TNNI3K: variants seen among roughly 807,000 people sequenced by gnomAD.
The protein encoded by TNNI3K is serine/threonine-protein kinase TNNI3K.
A neutral mutation model predicts 114.5 loss-of-function variants in TNNI3K; 140 were observed. The observed-to-expected ratio is 1.22, with a 90% CI of 1.07 to 1.41. The LOEUF (loss-of-function observed/expected upper bound fraction) is 1.41, where lower values mean the gene tolerates loss of function less well. Among genes scored for constraint, TNNI3K ranks in the 40% most tolerant of loss-of-function variants. The probability of loss-of-function intolerance (pLI) is 0.00; values close to 1 mark genes in which losing one functional copy is unlikely to be tolerated. For missense variants in TNNI3K, 1,125 were observed against 1,007.6 expected (o/e 1.12, Z -1.58); for synonymous variants, 347 against 347.5 (o/e 1.00, Z 0.02).
chr1:74,389,112 G>T (rs1186036677), intron 17 of TNNI3K, among the ~76,000 whole-genome samples: 1 of 152,254 alleles, frequency 6.6e-6, no homozygotes, highest in Non-Finnish European at 1.5e-5. Flanking sequence ...GTTATGGAGA[G>T]TGGCTTAGTA....
At chr1:74,493,453 A>G (rs1669175955) in intron 23 of TNNI3K, among the ~76,000 whole-genome samples, 1 of 152,236 alleles carries the variant, frequency 6.6e-6, no homozygotes, top group African/African-American at 2.4e-5. Context: ...ACATTCTTTC[A>G]TAGCTAGCTC....
At chr1:74,406,310 G>GT (rs1191550959) in intron 17 of TNNI3K, among the ~76,000 whole-genome samples, 1 of 152,122 alleles carries the variant, frequency 6.6e-6, no homozygotes, top group Non-Finnish European at 1.5e-5. Context: ...AACATTACGA[G>GT]TTTTTTGTTA....
chr1:74,277,724 A>C (rs1656769418), intron 5 of TNNI3K, among the ~76,000 whole-genome samples: 1 of 152,224 alleles, frequency 6.6e-6, no homozygotes. Context: ...AGCAGTGAAC[A>C]GAAAGGCATG....
intron 24 of TNNI3K, among the ~76,000 whole-genome samples, chr1:74,540,620 A>C (rs1165187102): frequency 6.6e-6 from 1 of 151,802 alleles, no homozygotes; most frequent in African/African-American, 2.4e-5. Context: ...AAAAAAAAAA[A>C]ACTCCTTCCT....
Position 74,544,080 on chromosome 1 carries a change from CA to C in TNNI3K, c.*101del. 7.6e-7 allele frequency: 1 copy of C among 1,318,118 alleles called. No individual in the cohort carries two copies. The highest frequency in any genetic ancestry group is 1.0e-6 in the Non-Finnish European group (1 of 964,512). The allele number at this position is 1,318,118 out of a possible 1,614,324, so 81.7% of individuals were successfully genotyped here. On this transcript the variant is annotated 3_prime_UTR_variant, in exon 25 of 25. Coordinates refer to ENST00000326637, the MANE Select transcript of TNNI3K (RefSeq NM_015978.3). ...GCTTCCAACTATAACATTTTACTCT[CA>C]AAGGTCTCCTTAAATTGGGCTTGTT...
intron 17 of TNNI3K, among the ~76,000 whole-genome samples, chr1:74,404,329 T>G (rs1570579604): frequency 6.6e-6 from 1 of 152,140 alleles, no homozygotes; most frequent in East Asian, 1.9e-4. Context: ...GCTCTATCCC[T>G]TCTATCTCTT....
At position 74,249,497 on chromosome 1, in the gene TNNI3K, G is replaced by A. The variant is rs567503494; in HGVS notation, c.188G>A (p.Arg63His). The A allele has an allele frequency of 9.9e-6, 16 of 1,613,260 alleles. No homozygotes were observed. The highest frequency in any genetic ancestry group is 1.7e-4 in the Middle Eastern group (1 of 6,056). Reference protein sequence around the residue: ...EAFSKVNLNYRTENGLSLLHL... With the variant: ...EAFSKVNLNYHTENGLSLLHL... ...TTCAGTAAAGTCAATTTAAATTACC[G>A]CACTGAAAATGGGCTGTCTCTACTT... Residue 63 changes from arginine (R) to histidine (H), a missense_variant, in exon 3 of 25, where the codon CGC becomes CAC. By Grantham distance (29) the Arg-to-His change is conservative. Coordinates refer to ENST00000326637, the MANE Select transcript of TNNI3K (RefSeq NM_015978.3).
chr1:74,369,933 C>G (rs1662505498), intron 16 of TNNI3K: 1 of 242,062 alleles, frequency 4.1e-6, no homozygotes, highest in African/African-American at 2.2e-5. Flanking sequence ...TTGAACAAAT[C>G]CAATGTGAAT....
intron 23 of TNNI3K, among the ~76,000 whole-genome samples, chr1:74,507,313 C>A (rs1021825183): frequency 1.4e-5 from 2 of 147,368 alleles, no homozygotes; most frequent in Non-Finnish European, 3.0e-5. Flanking sequence ...AGGAAGTTGT[C>A]CTAAATACCC....
chr1:74,539,741 A>G (rs2100462642), intron 23 of TNNI3K, among the ~76,000 whole-genome samples: 1 of 151,912 alleles, frequency 6.6e-6, no homozygotes, highest in South Asian at 2.1e-4. Context: ...AGGAAATGAT[A>G]TTATATTATA....
At chr1:74,451,702 T>TTC (rs1667021865) in intron 20 of TNNI3K, among the ~76,000 whole-genome samples, 3 of 66,544 alleles carry the variant, frequency 4.5e-5, no homozygotes, top group African/African-American at 2.1e-4. Flanking sequence ...TTTCTTTCTT[T>TTC]CTTTCTTTCT....
intron 23 of TNNI3K, among the ~76,000 whole-genome samples, chr1:74,513,559 G>A (rs1443460777): frequency 6.6e-6 from 1 of 151,972 alleles, no homozygotes; most frequent in Non-Finnish European, 1.5e-5. Context: ...TTTTCTCTAT[G>A]CCAAACCTAA....
intron 6 of TNNI3K, among the ~76,000 whole-genome samples, chr1:74,333,543 T>C (rs181973933): frequency 1.3e-5 from 2 of 152,342 alleles, no homozygotes; most frequent in Admixed American, 1.3e-4. Flanking sequence ...CCTGAAAATA[T>C]AGTCACAGTC....
intron 5 of TNNI3K, among the ~76,000 whole-genome samples, chr1:74,296,650 A>AG (rs1432591497): frequency 6.6e-6 from 1 of 152,086 alleles, no homozygotes; most frequent in Non-Finnish European, 1.5e-5. Context: ...TTGTTAGAAA[A>AG]AAAAATGACT....
chr1:74,397,276 G>A (rs765393614), intron 17 of TNNI3K, among the ~76,000 whole-genome samples: 1 of 152,048 alleles, frequency 6.6e-6, no homozygotes, highest in Admixed American at 6.6e-5. Flanking sequence ...TACACAGAAG[G>A]TGAGACTGGA....
In TNNI3K at chr1:74,369,406, C is replaced by T. The variant is rs201647544; in HGVS notation, c.1488C>T (p.Thr496=). 7 of 1,610,858 alleles carry T rather than the reference C, an allele frequency of 4.3e-6. No homozygotes were observed. The highest frequency in any genetic ancestry group is 5.9e-6 in the Non-Finnish European group (7 of 1,178,438). ...IVAIKRYRAN[T]YCSKSDVDMF... Reference sequence around the variant, plus strand: ...CCATTTCCAGTTATCGAGCCAATACCTACTGCTCCAAGTCAGATGTGGATA... The same window carrying T: ...CCATTTCCAGTTATCGAGCCAATACTTACTGCTCCAAGTCAGATGTGGATA... The change falls in exon 16 of 25, where the codon ACC becomes ACT. Residue 496 remains threonine (T), a synonymous_variant. Transcript: ENST00000326637.
Position 74,543,909 on chromosome 1 carries a change from A to G in TNNI3K, c.2435A>G (p.Tyr812Cys), listed in dbSNP as rs1445227866. Reference protein sequence around the residue: ...LQYTPIDKYGYVSDPMSSMHF... With the variant: ...LQYTPIDKYGCVSDPMSSMHF... ...CTGAACTTCTTTTCTGATGCAGGCT[A>G]TGTATCCGATCCCATGAGCTCAATG... is the stretch of plus-strand genomic sequence containing the variant. The change falls in exon 25 of 25, where the codon TAT becomes TGT. Residue 812 changes from tyrosine to cysteine, a missense_variant. By Grantham distance (194) the Tyr-to-Cys change is radical. Transcript: ENST00000326637. The G allele has an allele frequency of 3.1e-6, 5 of 1,613,594 alleles. No individual in the cohort carries two copies. The East Asian group carries it at 8.9e-5, about 29-fold the overall frequency.
Position 74,353,999 on chromosome 1 carries a change from C to A in TNNI3K, c.1047C>A (p.Tyr349Ter), listed in dbSNP as rs1661526228. The change falls in exon 11 of 25, where the codon TAC (tyrosine) becomes TAA (stop). Residue 349 changes from tyrosine to a stop codon, truncating the protein, a stop_gained. Transcript: ENST00000326637. LOFTEE classifies it high-confidence loss of function. ...TTACAGGATTACACTCTGCTTGCTA[C>A]CACGGTCACATTCGCCTGGTTCAGT... ...DGHTGLHSAC[Y>*]HGHIRLVQFL... 1.9e-6 allele frequency: 3 copies of A among 1,613,748 alleles called. No individual in the cohort carries two copies. The African/African-American group carries it at 4.0e-5, about 22-fold the overall frequency.
At chr1:74,460,343 A>G (rs552304598) in intron 20 of TNNI3K, among the ~76,000 whole-genome samples, 2 of 152,206 alleles carry the variant, frequency 1.3e-5, no homozygotes, top group South Asian at 2.1e-4. Context: ...TGGGATTACA[A>G]GAACATTTTT....
Sources: allele counts gnomAD v4.1 joint callset (sites outside exome capture counted in the v4.1 genomes callset), GRCh38; gene constraint gnomAD v4.1.1; transcripts MANE v1.5; gene names NCBI Gene and HGNC (gene_info 2026-07-23, HGNC 2026-07-21).